TRA2A: variants seen among roughly 807,000 people sequenced by gnomAD.
The protein encoded by TRA2A is transformer 2 alpha homolog, also known as transformer-2 protein homolog alpha.
Under a neutral mutation model 45.7 loss-of-function variants are expected in TRA2A, and 31 were observed. That is an observed-to-expected ratio of 0.68 (90% CI 0.51 to 0.92). The LOEUF (loss-of-function observed/expected upper bound fraction) is 0.92, where lower values mean the gene tolerates loss of function less well. Ranked by LOEUF, TRA2A falls within the 40% of genes least tolerant of loss-of-function variation. The pLI is 0.00. For missense variants in TRA2A, 304 were observed against 367.5 expected (o/e 0.83, Z 1.41); for synonymous variants, 132 against 126.2 (o/e 1.05, Z -0.31).
Position 23,516,379 on chromosome 7 carries a change from C to G in TRA2A, c.320G>C (p.Arg107Thr). Residue 107 changes from arginine (R) to threonine (T), a missense_variant, in exon 3 of 8, where the codon AGA becomes ACA. Arg to Thr is a moderately conservative substitution (Grantham distance 71). Around this residue, in one of 3 missense-constraint regions of TRA2A, gnomAD observed 130 missense variants for 217.1 expected, o/e 0.60. Transcript: ENST00000297071. ...ACCACGTACCCTGCTGCCAGTATGT[C>G]TTCTCCGGTTAGACATTGGAGAATG... ...RSHSPMSNRR[R>T]HTGSRANPDP... is the part of the protein sequence containing the mutation. The G allele has an allele frequency of 6.2e-7, 1 of 1,614,212 alleles. No individual in the cohort carries two copies. The highest frequency in any genetic ancestry group is 8.5e-7 in the Non-Finnish European group (1 of 1,180,036).
chr7:23,516,288 C>T, intron 3 of TRA2A, 75 bp downstream of exon 3: 2 of 1,522,500 alleles, frequency 1.3e-6, no homozygotes, highest in South Asian at 2.4e-5. Flanking sequence ...CCAAGCTCCC[C>T]TAAAAGCAAG....
intron 5 of TRA2A, 35 bp downstream of exon 5, chr7:23,507,385 T>A: frequency 1.3e-6 from 2 of 1,546,048 alleles, no homozygotes; most frequent in Non-Finnish European, 1.8e-6. Context: ...TTCTGGTGGA[T>A]TTCATAGTTT....
chr7:23,526,736 C>T (rs914270534), intron 1 of TRA2A, among the ~76,000 whole-genome samples: 2 of 152,170 alleles, frequency 1.3e-5, no homozygotes, highest in African/African-American at 4.8e-5. Flanking sequence ...ATAGCGACTG[C>T]TCATATTAAA....
At chr7:23,529,181 A>T (rs1371734592) in intron 1 of TRA2A, among the ~76,000 whole-genome samples, 3 of 152,206 alleles carry the variant, frequency 2.0e-5, no homozygotes, top group Non-Finnish European at 4.4e-5. Flanking sequence ...CAAACAACTC[A>T]TTACTTTTAT....
In TRA2A at chr7:23,508,795, G is replaced by A. The variant is rs559308093; in HGVS notation, c.526-1260C>T. Among the ~76,000 whole-genome samples the A allele has an allele frequency of 2.0e-5, 3 of 151,618 alleles. No homozygotes were observed. The South Asian group carries it at 6.3e-4, about 32-fold the overall frequency. The stretch of plus-strand genomic sequence containing the variant: ...AGGCGTAAGCCACCACGCCTGGCCT[G>A]CATGCATTTATTTTTGTAGAGACAA... On this transcript the variant is annotated intron_variant, in intron 4 of 7. Transcript: ENST00000297071.
rs972413353 is a variant in TRA2A, at chr7:23,505,425, G to C, written c.*134C>G. ...GAAAACAGCAACACAACTGACAAAA[G>C]TGTAGATGCTAAATAAACCAAAGTT... On this transcript the variant is annotated 3_prime_UTR_variant, in exon 8 of 8. Transcript: ENST00000297071. 1.6e-5 allele frequency: 8 copies of C among 505,168 alleles called. No homozygotes were observed. Among genetic ancestry groups the C allele is most frequent in the African/African-American group, 1.3e-4 (6 of 47,052 alleles). 31.3% of individuals were successfully genotyped at this position (505,168 alleles called of 1,614,324 possible).
intron 1 of TRA2A, among the ~76,000 whole-genome samples, chr7:23,530,066 T>C (rs1348371561): frequency 1.3e-5 from 2 of 151,838 alleles, no homozygotes; most frequent in Non-Finnish European, 2.9e-5. Context: ...CAAACATCAA[T>C]CCCCCAATTT....
intron 3 of TRA2A, among the ~76,000 whole-genome samples, chr7:23,513,702 T>C (rs938834690): frequency 5.3e-5 from 8 of 151,738 alleles, no homozygotes; most frequent in African/African-American, 1.9e-4. Flanking sequence ...AAGGGTACGC[T>C]TGTCAGCAGT....
chr7:23,505,509 AAAAAAAAAAAAGAGGAAAAAAAAT>A lies in TRA2A; in HGVS notation c.*26_*49del, dbSNP rs940470292. 6 of 537,312 alleles carry A rather than the reference AAAAAAAAAAAAGAGGAAAAAAAAT, an allele frequency of 1.1e-5. 1 individual carries two copies. Among genetic ancestry groups the A allele is most frequent in the African/African-American group, 2.0e-5 (1 of 49,634 alleles). 33.3% of individuals were successfully genotyped at this position (537,312 alleles called of 1,614,324 possible). A position where few individuals can be genotyped will look rare whatever the true frequency, so the allele number is the denominator to read the frequency against. ...GGGGAAATCTCAGAATTAAAAAAAA[AAAAAAAAAAAAGAGGAAAAAAAAT>A]GTCCTTAATTGCAACCATTCCGTTA... On this transcript the variant is annotated 3_prime_UTR_variant, in exon 8 of 8. Coordinates refer to ENST00000297071, the MANE Select transcript of TRA2A (RefSeq NM_013293.5).
chr7:23,519,696 A>C (rs1195652635), intron 2 of TRA2A, among the ~76,000 whole-genome samples: 1 of 152,222 alleles, frequency 6.6e-6, no homozygotes. Flanking sequence ...CTAAGTAATC[A>C]AGCAAAATTT....
intron 3 of TRA2A, among the ~76,000 whole-genome samples, chr7:23,513,376 G>C (rs1447099446): frequency 6.6e-6 from 1 of 152,134 alleles, no homozygotes; most frequent in African/African-American, 2.4e-5. Context: ...CCAGCATTTT[G>C]GGAGGCTGAG....
intron 2 of TRA2A, among the ~76,000 whole-genome samples, chr7:23,521,064 T>A (rs1165079993): frequency 6.6e-6 from 1 of 152,206 alleles, no homozygotes; most frequent in Non-Finnish European, 1.5e-5. Context: ...TGGTTCACTA[T>A]TGCGTTTCTG....
At chr7:23,511,848 A>C (rs1789635832) in intron 4 of TRA2A, among the ~76,000 whole-genome samples, 1 of 152,250 alleles carries the variant, frequency 6.6e-6, no homozygotes, top group African/African-American at 2.4e-5. Context: ...AAAAATTATC[A>C]ATTCTTTCCA....
chr7:23,512,939 T>A lies in TRA2A; in HGVS notation c.480A>T (p.Arg160=). ...TCTCAAAATACACAAAAGCAAATCC[T>A]CGAGATCGCCCAGTTCGCTGATCAT... ...VVYDQRTGRS[R]GFAFVYFERI... The change falls in exon 4 of 8, where the codon CGA becomes CGT. Residue 160 remains arginine (R), a synonymous_variant. Coordinates refer to ENST00000297071, the MANE Select transcript of TRA2A (RefSeq NM_013293.5). 6.2e-7 allele frequency: 1 copy of A among 1,613,570 alleles called. No homozygotes were observed. Among genetic ancestry groups the A allele is most frequent in the South Asian group, 1.1e-5 (1 of 90,878 alleles).
intron 5 of TRA2A, 43 bp from the exon 6 acceptor site, chr7:23,506,309 T>C: frequency 6.5e-7 from 1 of 1,535,410 alleles, no homozygotes; most frequent in Non-Finnish European, 8.8e-7. Flanking sequence ...TGAATGACTA[T>C]TTTCCAGGAC....
At chr7:23,519,287 G>C (rs1015653135) in intron 2 of TRA2A, among the ~76,000 whole-genome samples, 1 of 151,976 alleles carries the variant, frequency 6.6e-6, no homozygotes, top group African/African-American at 2.4e-5. Context: ...CCAGCTACTC[G>C]GGAGGCTGAG....
intron 1 of TRA2A, among the ~76,000 whole-genome samples, chr7:23,524,232 G>A (rs755105836): frequency 6.6e-5 from 10 of 152,128 alleles, no homozygotes; most frequent in Non-Finnish European, 1.5e-4. Context: ...CACCCAGGCT[G>A]GAGTGTAATG....
Position 23,519,461 on chromosome 7 carries a change from A to G in TRA2A, c.170+2246T>C, listed in dbSNP as rs1399508740. 1.3e-5 allele frequency among the ~76,000 whole-genome samples: 2 copies of G among 152,084 alleles called. 1 individual carries two copies. The highest frequency in any genetic ancestry group is 3.9e-4 in the East Asian group (2 of 5,194). The stretch of plus-strand genomic sequence containing the variant: ...ATGACAGTCATATAAAATACCTTCT[A>G]TACGGTACTCAATGAACCCAGGAGG... On this transcript the variant is annotated intron_variant, in intron 2 of 7. Transcript: ENST00000297071.
rs1489554774 is a variant in TRA2A, at chr7:23,507,602, T to A, written c.526-67A>T. 1.9e-5 allele frequency: 22 copies of A among 1,134,666 alleles called. No homozygotes were observed. In the East Asian group the frequency reaches 5.2e-4, roughly 27 times the overall value. The allele number at this position is 1,134,666 out of a possible 1,614,324, so 70.3% of individuals were successfully genotyped here. ...TCTTGAAGTAATCATTACTTAAAAT[T>A]AAGCACAAAGTATATGTAATCCAAA... On this transcript the variant is annotated intron_variant, in intron 4 of 7. Transcript: ENST00000297071.
Sources: gnomAD v4.1 joint callset for allele counts (sites outside exome capture counted in the v4.1 genomes callset) on GRCh38, gnomAD v4.1.1 for gene constraint, gnomAD v4.1.1 regional missense constraint, MANE v1.5 for transcripts, NCBI Gene and HGNC (gene_info 2026-07-23, HGNC 2026-07-21) for gene names.